Variants in TRNAU1AP observed in about 807,000 individuals in gnomAD.
The protein encoded by TRNAU1AP is tRNA selenocysteine 1 associated protein 1.
In TRNAU1AP, 33 loss-of-function variants were observed where a neutral mutation model predicts 43.3. The observed-to-expected ratio is 0.76, with a 90% CI of 0.58 to 1.02. TRNAU1AP has a LOEUF of 1.02. TRNAU1AP is among the 50% of genes least tolerant of loss of function. The probability of loss-of-function intolerance (pLI) is 0.00; values close to 1 mark genes in which losing one functional copy is unlikely to be tolerated. For missense variants in TRNAU1AP, 290 were observed against 362.7 expected (o/e 0.80, Z 1.63); for synonymous variants, 143 against 129.1 (o/e 1.11, Z -0.73).
At chr1:28,567,445 A>G in intron 6 of TRNAU1AP, 32 bp downstream of exon 6, 2 of 1,572,976 alleles carry the variant, frequency 1.3e-6, no homozygotes, top group Non-Finnish European at 1.7e-6. Flanking sequence ...GAGAGACTCT[A>G]GACTCCCCTC....
chr1:28,571,200 T>C lies in TRNAU1AP; in HGVS notation c.555T>C (p.Tyr185=), dbSNP rs150889971. 6.2e-7 allele frequency: 1 copy of C among 1,614,012 alleles called. No individual in the cohort carries two copies. Among genetic ancestry groups the C allele is most frequent in the African/African-American group, 1.3e-5 (1 of 74,932 alleles). ...PKASRVKPVE[Y]SQMYSYSYNQ... ...GGAGCCGTGTAAAGCCAGTGGAATA[T>C]AGTCAGATGTACAGTTATAGCTACA... The change falls in exon 7 of 9, where the codon TAT becomes TAC. Residue 185 remains tyrosine, a synonymous_variant. Coordinates refer to ENST00000373830, the MANE Select transcript of TRNAU1AP (RefSeq NM_017846.5).
chr1:28,553,363 G>A, intron 1 of TRNAU1AP: 1 of 626,648 alleles, frequency 1.6e-6, no homozygotes. Context: ...GGGAAAGGTG[G>A]TGCTTTGGGG....
At chr1:28,577,461 C>A (rs931293253) in intron 8 of TRNAU1AP, 39 bp from the exon 9 acceptor site, 2 of 1,607,752 alleles carry the variant, frequency 1.2e-6, no homozygotes, top group African/African-American at 1.3e-5. Flanking sequence ...TTGCAGCTGT[C>A]CCTAGACTTC....
At position 28,577,762 on chromosome 1, in the gene TRNAU1AP, G is replaced by GAATGTTTCTACAACACTGCTGC; in HGVS notation, c.*128_*149dup. On this transcript the variant is annotated 3_prime_UTR_variant, in exon 9 of 9. Transcript: ENST00000373830. ...AATAATGACTGTTTTTGGAGATCAT[G>GAATGTTTCTACAACACTGCTGC]AATGTTTCTACAACACTGCTGCATT... is the stretch of plus-strand genomic sequence containing the variant. 3 of 1,093,316 alleles carry GAATGTTTCTACAACACTGCTGC rather than the reference G, an allele frequency of 2.7e-6. No homozygotes were observed. Among genetic ancestry groups the GAATGTTTCTACAACACTGCTGC allele is most frequent in the Non-Finnish European group, 3.9e-6 (3 of 762,256 alleles). 67.7% of individuals were successfully genotyped at this position (1,093,316 alleles called of 1,614,324 possible).
At chr1:28,564,866 G>C (rs751274121) in intron 5 of TRNAU1AP, 32 bp downstream of exon 5, 1 of 1,613,028 alleles carries the variant, frequency 6.2e-7, no homozygotes, top group South Asian at 1.1e-5. Context: ...ATGCTTAACT[G>C]TGTTAGTTTC....
Position 28,577,707 on chromosome 1 carries a change from C to A in TRNAU1AP, c.*71C>A, listed in dbSNP as rs930111215. The stretch of plus-strand genomic sequence containing the variant: ...AGACTCCTTTTTAAAAATTGTGAAA[C>A]CTTTTTGGAAATATGATTTGTAAGA... On this transcript the variant is annotated 3_prime_UTR_variant, in exon 9 of 9. Coordinates refer to ENST00000373830, the MANE Select transcript of TRNAU1AP (RefSeq NM_017846.5). The A allele has an allele frequency of 1.3e-5, 19 of 1,469,036 alleles. No homozygotes were observed. The highest frequency in any genetic ancestry group is 1.8e-4 in the Middle Eastern group (1 of 5,592). The allele number at this position is 1,469,036 out of a possible 1,614,324, so 91.0% of individuals were successfully genotyped here. A position where few individuals can be genotyped will look rare whatever the true frequency, so the allele number is the denominator to read the frequency against.
rs1042324509 is a variant in TRNAU1AP at position 28,561,410 on chromosome 1, G to A, written c.278+12G>A. ...CAACCAGATAACAGGTAGGTACAAA[G>A]TCATGTCTAGACAGACATAAGATGT... On this transcript the variant is annotated intron_variant, in intron 4 of 8. Coordinates refer to ENST00000373830, the MANE Select transcript of TRNAU1AP (RefSeq NM_017846.5). The A allele has an allele frequency of 6.2e-7, 1 of 1,613,940 alleles. No individual in the cohort carries two copies. The highest frequency in any genetic ancestry group is 8.5e-7 in the Non-Finnish European group (1 of 1,179,898).
intron 2 of TRNAU1AP, among the ~76,000 whole-genome samples, chr1:28,560,138 T>C (rs988061468): frequency 1.3e-5 from 2 of 152,084 alleles, no homozygotes; most frequent in African/African-American, 4.8e-5. Flanking sequence ...AAACGAATCT[T>C]GGACTGGCCC....
intron 2 of TRNAU1AP, among the ~76,000 whole-genome samples, chr1:28,554,377 T>G (rs1372715532): frequency 6.6e-6 from 1 of 152,102 alleles, no homozygotes; most frequent in Non-Finnish European, 1.5e-5. Flanking sequence ...TTAAATGAGT[T>G]AATTCACATT....
At chr1:28,564,170 G>A (rs776661636) in intron 4 of TRNAU1AP, among the ~76,000 whole-genome samples, 28 of 152,066 alleles carry the variant, frequency 1.8e-4, no homozygotes, top group Non-Finnish European at 3.5e-4. Context: ...GCAGGCTAAG[G>A]TGTGAGAATC....
At chr1:28,570,292 G>T (rs1184914987) in intron 6 of TRNAU1AP, among the ~76,000 whole-genome samples, 1 of 151,744 alleles carries the variant, frequency 6.6e-6, no homozygotes, top group East Asian at 1.9e-4. Flanking sequence ...TTATTGCCCA[G>T]ACTGGAGTCC....
intron 2 of TRNAU1AP, among the ~76,000 whole-genome samples, chr1:28,555,120 C>T (rs1464955148): frequency 6.6e-6 from 1 of 151,690 alleles, no homozygotes; most frequent in African/African-American, 2.4e-5. Flanking sequence ...ATCCCAGCTA[C>T]CTGGGAGGCT....
chr1:28,558,006 C>T (rs980938780), intron 2 of TRNAU1AP, among the ~76,000 whole-genome samples: 1 of 151,106 alleles, frequency 6.6e-6, no homozygotes, highest in Non-Finnish European at 1.5e-5. Flanking sequence ...AGCAGTTCTC[C>T]TGCCTCAGCC....
chr1:28,553,302 G>C, intron 1 of TRNAU1AP, 165 bp downstream of exon 1: 1 of 864,076 alleles, frequency 1.2e-6, no homozygotes, highest in Non-Finnish European at 1.8e-6. Context: ...TAAGTGAAGA[G>C]GCTGAGTCCG....
intron 2 of TRNAU1AP, among the ~76,000 whole-genome samples, chr1:28,555,847 A>ATTTTT (rs1427499624): frequency 7.8e-6 from 1 of 127,886 alleles, no homozygotes. Flanking sequence ...AACCTTTCTC[A>ATTTTT]TTTTTTTTTC....
At position 28,564,862 on chromosome 1, in the gene TRNAU1AP, AACTGT is replaced by A. The variant is rs1322066289; in HGVS notation, c.410+29_410+33del. The A allele has an allele frequency of 7.4e-6, 12 of 1,613,358 alleles. No homozygotes were observed. In the Admixed American group the frequency reaches 1.0e-4, roughly 13 times the overall value. On this transcript the variant is annotated intron_variant, in intron 5 of 8. Coordinates refer to ENST00000373830, the MANE Select transcript of TRNAU1AP (RefSeq NM_017846.5). ...AAGGCCTTACTTGTTACTGATGCTT[AACTGT>A]GTTAGTTTCAGCCTTTCTCTCCTGA... is the stretch of plus-strand genomic sequence containing the variant.
intron 8 of TRNAU1AP, among the ~76,000 whole-genome samples, chr1:28,575,018 A>G (rs1360725008): frequency 6.6e-6 from 1 of 152,178 alleles, no homozygotes; most frequent in African/African-American, 2.4e-5. Flanking sequence ...AGTGTGGGGC[A>G]AAGTCAGGAC....
chr1:28,566,779 G>C (rs963854922), intron 5 of TRNAU1AP, among the ~76,000 whole-genome samples: 1 of 146,422 alleles, frequency 6.8e-6, no homozygotes, highest in Admixed American at 6.7e-5. Flanking sequence ...AAAAAAAAGA[G>C]AGAGAAAATG....
chr1:28,574,833 A>C (rs1227648462), intron 8 of TRNAU1AP: 1 of 152,218 alleles, frequency 6.6e-6, no homozygotes, highest in Non-Finnish European at 1.5e-5. Context: ...GATCCCTTTT[A>C]GGGCATGAAC....
Sources: allele counts gnomAD v4.1 joint callset (sites outside exome capture counted in the v4.1 genomes callset), GRCh38; gene constraint gnomAD v4.1.1; transcripts MANE v1.5; gene names NCBI Gene and HGNC (gene_info 2026-07-23, HGNC 2026-07-21).